Variants in KMT2C observed in about 807,000 individuals in gnomAD.
KMT2C encodes the protein histone-lysine N-methyltransferase 2C.
Under a neutral mutation model 507.9 loss-of-function variants are expected in KMT2C, and 88 were observed. The observed-to-expected ratio is 0.17, with a 90% confidence interval of 0.15 to 0.21. KMT2C has a LOEUF of 0.21. Among genes scored for constraint, KMT2C ranks in the 10% least tolerant of loss-of-function variants. KMT2C has a pLI of 1.00. For missense variants in KMT2C, 4,954 were observed against 5,957.8 expected (o/e 0.83, Z 5.55); for synonymous variants, 2,049 against 2,080.8 (o/e 0.98, Z 0.42).
intron 3 of KMT2C, among the ~76,000 whole-genome samples, chr7:152,317,322 T>A (rs1218227259): frequency 6.6e-6 from 1 of 152,212 alleles, no homozygotes; most frequent in East Asian, 1.9e-4. Flanking sequence ...TTGTTGACTT[T>A]TTTTTAATAC....
chr7:152,165,680 A>AT lies in KMT2C; in HGVS notation c.9750+1465dup, dbSNP rs575568284. On this transcript the variant is annotated intron_variant, in intron 42 of 58. Transcript: ENST00000262189. Reference sequence around the variant, plus strand: ...ATGTACAGTGGGGGTATTTTTTGGGATTTTTTTTGTTTTGTTTTGTTTTTG... The same window carrying AT: ...ATGTACAGTGGGGGTATTTTTTGGGATTTTTTTTTGTTTTGTTTTGTTTTTG... 9.2e-5 allele frequency among the ~76,000 whole-genome samples: 14 copies of AT among 151,836 alleles called. 1 individual carries two copies. In the South Asian group the frequency reaches 1.9e-3, roughly 20 times the overall value.
At position 152,163,231 on chromosome 7, in the gene KMT2C, G is replaced by A. The variant is rs2092551199; in HGVS notation, c.10346C>T (p.Ser3449Phe). The change falls in exon 43 of 59, where the codon TCC becomes TTC. Residue 3449 changes from serine to phenylalanine, a missense_variant. Transcript: ENST00000262189. Reference sequence around the variant, plus strand: ...GTCGGAACTGTAGAAGGGAATCTGGGACACAGATGTCCTACTACTACTTAT... The same window carrying A: ...GTCGGAACTGTAGAAGGGAATCTGGAACACAGATGTCCTACTACTACTTAT... ...SEISSSRTSV[S>F]QIPFYSSDLP... 2 of 1,614,160 alleles carry A rather than the reference G, an allele frequency of 1.2e-6. No individual in the cohort carries two copies. The highest frequency in any genetic ancestry group is 1.7e-6 in the Non-Finnish European group (2 of 1,180,030).
intron 2 of KMT2C, among the ~76,000 whole-genome samples, chr7:152,335,131 G>C (rs978388098): frequency 6.6e-6 from 1 of 152,168 alleles, no homozygotes; most frequent in African/African-American, 2.4e-5. Flanking sequence ...TGTAGCTCTA[G>C]GCAAAGCATC....
rs754684474 is a variant in KMT2C at position 152,267,627 on chromosome 7, T to C, written c.1013-2418A>G. Among the ~76,000 whole-genome samples, 36 of 152,374 alleles carry C rather than the reference T, an allele frequency of 2.4e-4. 1 individual carries two copies. The highest frequency in any genetic ancestry group is 4.4e-4 in the Non-Finnish European group (30 of 68,038). ...CTACCTAATACTCTGTCTCGCTAAC[T>C]GCAGTATCTTCTGCATCAAATCATC... On this transcript the variant is annotated intron_variant, in intron 7 of 58. Transcript: ENST00000262189.
At chr7:152,324,004 G>C (rs1270855202) in intron 3 of KMT2C, among the ~76,000 whole-genome samples, 1 of 151,836 alleles carries the variant, frequency 6.6e-6, no homozygotes, top group African/African-American at 2.4e-5. Flanking sequence ...ACCAGTAGTA[G>C]AGTGATGGTA....
At chr7:152,337,975 G>A (rs1180607966) in intron 2 of KMT2C, among the ~76,000 whole-genome samples, 1 of 151,924 alleles carries the variant, frequency 6.6e-6, no homozygotes, top group East Asian at 1.9e-4. Context: ...TCCTGCCTCA[G>A]CCTCCCAAGT....
chr7:152,409,730 CA>C (rs67898113), intron 1 of KMT2C, among the ~76,000 whole-genome samples: 2 of 141,258 alleles, frequency 1.4e-5, no homozygotes, highest in Non-Finnish European at 3.1e-5. Flanking sequence ...GACTCCGTCT[CA>C]AAAAAAATAA....
chr7:152,325,412 G>T (rs1028937219), intron 3 of KMT2C, among the ~76,000 whole-genome samples: 2 of 151,272 alleles, frequency 1.3e-5, no homozygotes, highest in Non-Finnish European at 2.9e-5. Context: ...CCTCCCAAAG[G>T]GCTGGGATTA....
intron 6 of KMT2C, among the ~76,000 whole-genome samples, chr7:152,287,087 C>T (rs560689316): frequency 6.6e-6 from 1 of 152,338 alleles, no homozygotes; most frequent in South Asian, 2.1e-4. Context: ...GGACACAGGA[C>T]ATTCATACCC....
chr7:152,194,637 T>A, intron 28 of KMT2C, 69 bp from the exon 29 acceptor site: 1 of 1,161,000 alleles, frequency 8.6e-7, no homozygotes, highest in Non-Finnish European at 1.3e-6. Flanking sequence ...ATAGCACTAT[T>A]TACCTGTACT....
intron 15 of KMT2C, among the ~76,000 whole-genome samples, chr7:152,236,242 A>T (rs1161342434): frequency 6.6e-6 from 1 of 152,278 alleles, no homozygotes; most frequent in Non-Finnish European, 1.5e-5. Context: ...CTATAGCCTG[A>T]TCCAGATATT....
chr7:152,255,326 C>G (rs998836415), intron 9 of KMT2C, among the ~76,000 whole-genome samples: 1 of 151,310 alleles, frequency 6.6e-6, no homozygotes, highest in African/African-American at 2.4e-5. Context: ...GCCACTACAC[C>G]TGGCTAATTT....
chr7:152,392,464 T>C (rs1281292457), intron 1 of KMT2C, among the ~76,000 whole-genome samples: 4 of 152,226 alleles, frequency 2.6e-5, no homozygotes, highest in African/African-American at 9.6e-5. Flanking sequence ...AGTTAGTTAT[T>C]AGTAAACAAC....
rs777432725 is a variant in KMT2C at position 152,194,517 on chromosome 7, T to C, written c.4430A>G (p.Asn1477Ser). ...TTCACTTAATGGTCGTGAACTCTGA[T>C]TGACATTTGGCTGAGGCAAAGAGGA... ...DPSSLPQPNVNQSSRPLSEEQ... is the reference protein window; with the variant it reads ...DPSSLPQPNVSQSSRPLSEEQ... The change falls in exon 29 of 59, where the codon AAT becomes AGT. Residue 1477 changes from asparagine to serine, a missense_variant. This residue lies in a region of KMT2C where 140 missense variants were observed against 118.4 expected (regional missense o/e 1.18). Coordinates refer to ENST00000262189, the MANE Select transcript of KMT2C (RefSeq NM_170606.3). 6 of 1,612,970 alleles carry C rather than the reference T, an allele frequency of 3.7e-6. No individual in the cohort carries two copies. Among genetic ancestry groups the C allele is most frequent in the South Asian group, 2.2e-5 (2 of 91,038 alleles).
chr7:152,326,681 C>T (rs898169750), intron 3 of KMT2C, among the ~76,000 whole-genome samples: 2 of 152,052 alleles, frequency 1.3e-5, no homozygotes, highest in African/African-American at 2.4e-5. Flanking sequence ...GAGATCGAGA[C>T]CATCCTGGCT....
intron 7 of KMT2C, among the ~76,000 whole-genome samples, chr7:152,268,114 TACTAAAAATACAA>T (rs2095889248): frequency 6.6e-6 from 1 of 152,180 alleles, no homozygotes; most frequent in South Asian, 2.1e-4. Context: ...ACCCCATCTC[TACTAAAAATACAA>T]AATTAGCAGG....
rs1361254025 is a variant in KMT2C at position 152,135,858 on chromosome 7, G to C, written c.*974C>G. On this transcript the variant is annotated 3_prime_UTR_variant, in exon 59 of 59. Transcript: ENST00000262189. Reference sequence around the variant, plus strand: ...CAGAAGTAAGGTGTATAAAACCATTGAGTACTAATAGACTGCGGTTTCCAA... The same window carrying C: ...CAGAAGTAAGGTGTATAAAACCATTCAGTACTAATAGACTGCGGTTTCCAA... 1.3e-5 allele frequency: 3 copies of C among 230,886 alleles called. No individual in the cohort carries two copies. The highest frequency in any genetic ancestry group is 6.6e-5 in the African/African-American group (3 of 45,166). 14.3% of individuals were successfully genotyped at this position (230,886 alleles called of 1,614,324 possible). A position where few individuals can be genotyped will look rare whatever the true frequency, so the allele number is the denominator to read the frequency against.
chr7:152,213,147 G>A lies in KMT2C; in HGVS notation c.3713-5719C>T, dbSNP rs539640639. ...TTAAAATGTCCATACTATCCAAAGT[G>A]ATCTACAGATTCAATGCAATCCCTA... is the stretch of plus-strand genomic sequence containing the variant. On this transcript the variant is annotated intron_variant, in intron 23 of 58. Coordinates refer to ENST00000262189, the MANE Select transcript of KMT2C (RefSeq NM_170606.3). Among the ~76,000 whole-genome samples, 14 of 152,304 alleles carry A rather than the reference G, an allele frequency of 9.2e-5. No homozygotes were observed. In the South Asian group the frequency reaches 2.9e-3, roughly 32 times the overall value.
chr7:152,391,142 C>CAAAAAAAAAAAAAAAAAAAAA (rs1195125465), intron 1 of KMT2C, among the ~76,000 whole-genome samples: 1 of 34,764 alleles, frequency 2.9e-5, no homozygotes, highest in African/African-American at 1.0e-4. Context: ...AGACTGTCTC[C>CAAAAAAAAAAAAAAAAAAAAA]AAAAAAAAAA....
Sources: allele counts gnomAD v4.1 joint callset (sites outside exome capture counted in the v4.1 genomes callset), GRCh38; gene constraint gnomAD v4.1.1; regional missense constraint gnomAD v4.1.1; transcripts MANE v1.5; gene names NCBI Gene and HGNC (gene_info 2026-07-23, HGNC 2026-07-21).